ADAMTSL3: variants seen among roughly 807,000 people sequenced by gnomAD.
ADAMTSL3 encodes the protein ADAMTS like 3, also known as ADAMTS-like protein 3.
ADAMTSL3 carries 128 observed loss-of-function variants against 201.7 expected under a neutral mutation model. The ratio of observed to expected loss-of-function variants is 0.63; its 90% confidence interval spans 0.55 to 0.73. ADAMTSL3 has a LOEUF of 0.73. ADAMTSL3 is among the 30% of genes least tolerant of loss of function. The probability of loss-of-function intolerance (pLI) is 0.00; values close to 1 mark genes in which losing one functional copy is unlikely to be tolerated. For synonymous variants in ADAMTSL3, 738 were observed against 748.4 expected (o/e 0.99, Z 0.23); for missense variants, 1,990 against 2,119.6 (o/e 0.94, Z 1.20).
intron 20 of ADAMTSL3, among the ~76,000 whole-genome samples, chr15:83,980,188 C>T (rs1306475855): frequency 6.6e-6 from 1 of 152,098 alleles, no homozygotes; most frequent in Non-Finnish European, 1.5e-5. Flanking sequence ...TAGTAAACAG[C>T]CTCTGCTGGA....
intron 23 of ADAMTSL3, among the ~76,000 whole-genome samples, chr15:83,996,520 G>T (rs1596515107): frequency 6.6e-6 from 1 of 152,114 alleles, no homozygotes; most frequent in East Asian, 1.9e-4. Flanking sequence ...GGTGGCTCAT[G>T]CCTGTAATCC....
At chr15:83,872,543 C>T (rs1213033934) in intron 9 of ADAMTSL3, among the ~76,000 whole-genome samples, 1 of 151,338 alleles carries the variant, frequency 6.6e-6, no homozygotes, top group African/African-American at 2.4e-5. Flanking sequence ...AAATTCTATG[C>T]TTTCCTTGCC....
intron 7 of ADAMTSL3, among the ~76,000 whole-genome samples, chr15:83,844,016 A>G (rs2064440672): frequency 6.6e-6 from 1 of 152,248 alleles, no homozygotes; most frequent in African/African-American, 2.4e-5. Flanking sequence ...ATATCTGTTT[A>G]GAGAGTCTTG....
At chr15:83,678,813 A>ATT (rs1196621697) in intron 2 of ADAMTSL3, among the ~76,000 whole-genome samples, 41 of 52,024 alleles carry the variant, frequency 7.9e-4, no homozygotes, top group African/African-American at 1.6e-3. Context: ...TATTTATATA[A>ATT]TATAAAATAT....
At chr15:83,689,171 G>A (rs1010070557) in intron 2 of ADAMTSL3, among the ~76,000 whole-genome samples, 6 of 152,076 alleles carry the variant, frequency 3.9e-5, no homozygotes, top group Admixed American at 6.5e-5. Context: ...TTCATATAAC[G>A]TGATATTTAA....
At chr15:83,858,996 C>T (rs1439501144) in intron 8 of ADAMTSL3, among the ~76,000 whole-genome samples, 156 bp downstream of exon 8, 21 of 152,150 alleles carry the variant, frequency 1.4e-4, no homozygotes, top group Admixed American at 1.4e-3. Context: ...ACTTACTTGG[C>T]ACAGCAAAGC....
chr15:83,773,456 T>G, intron 3 of ADAMTSL3, 67 bp from the exon 4 acceptor site: 1 of 1,546,774 alleles, frequency 6.5e-7, no homozygotes. Context: ...TTTGGGATAT[T>G]TCTACCACAT....
chr15:84,003,239 C>T (rs781776951), intron 23 of ADAMTSL3, among the ~76,000 whole-genome samples: 6 of 152,020 alleles, frequency 3.9e-5, no homozygotes, highest in East Asian at 3.9e-4. Flanking sequence ...GTGGGAGCCA[C>T]GGTGCCTGGC....
chr15:83,707,040 T>C (rs1181853747), intron 3 of ADAMTSL3, among the ~76,000 whole-genome samples: 1 of 152,076 alleles, frequency 6.6e-6, no homozygotes, highest in African/African-American at 2.4e-5. Context: ...TCAAATACTA[T>C]CAAACTTTTA....
chr15:83,805,945 C>T (rs1230211121), intron 5 of ADAMTSL3, among the ~76,000 whole-genome samples: 1 of 152,178 alleles, frequency 6.6e-6, no homozygotes, highest in African/African-American at 2.4e-5. Flanking sequence ...CGCGGCAGTC[C>T]TCACAGGCCC....
At chr15:83,858,573 A>G (rs972141669) in intron 7 of ADAMTSL3, among the ~76,000 whole-genome samples, 193 bp from the exon 8 acceptor site, 1 of 152,148 alleles carries the variant, frequency 6.6e-6, no homozygotes, top group Non-Finnish European at 1.5e-5. Flanking sequence ...GGGTTTCACC[A>G]TCTTGGCCAG....
intron 23 of ADAMTSL3, among the ~76,000 whole-genome samples, chr15:84,003,632 G>T (rs988358765): frequency 1.3e-5 from 2 of 152,228 alleles, no homozygotes; most frequent in Non-Finnish European, 2.9e-5. Context: ...TTCATACCAG[G>T]CAGTAAAAGT....
intron 5 of ADAMTSL3, among the ~76,000 whole-genome samples, chr15:83,809,487 T>G (rs1224947031): frequency 3.3e-5 from 5 of 152,334 alleles, no homozygotes; most frequent in African/African-American, 1.2e-4. Context: ...AAAAACTCCC[T>G]TGCAGTCCCT....
chr15:83,805,496 G>A (rs1030536719), intron 5 of ADAMTSL3, among the ~76,000 whole-genome samples: 2 of 151,706 alleles, frequency 1.3e-5, no homozygotes, highest in African/African-American at 4.9e-5. Flanking sequence ...GGTGAAGCTT[G>A]CAGTGAGCCA....
At chr15:83,763,467 A>G (rs991153166) in intron 3 of ADAMTSL3, among the ~76,000 whole-genome samples, 2 of 146,464 alleles carry the variant, frequency 1.4e-5, no homozygotes, top group South Asian at 4.3e-4. Context: ...CTATATTTTT[A>G]TGTGAAATCT....
intron 2 of ADAMTSL3, among the ~76,000 whole-genome samples, chr15:83,695,172 CATGTGAT>C (rs2061664884): frequency 2.3e-4 from 2 of 8,662 alleles, no homozygotes; most frequent in Non-Finnish European, 4.6e-4. Flanking sequence ...ATGTATGTAG[CATGTGAT>C]GTGCATGATA....
intron 6 of ADAMTSL3, among the ~76,000 whole-genome samples, chr15:83,822,364 G>A (rs2063895115): frequency 6.7e-6 from 1 of 148,968 alleles, no homozygotes; most frequent in Admixed American, 6.6e-5. Flanking sequence ...CAGACGGGGC[G>A]GCTGCCGGGC....
intron 3 of ADAMTSL3, among the ~76,000 whole-genome samples, chr15:83,762,511 C>G (rs2062824596): frequency 6.6e-6 from 1 of 152,122 alleles, no homozygotes; most frequent in South Asian, 2.1e-4. Context: ...GGTGAGGGCT[C>G]TTCTCTCTGC....
intron 4 of ADAMTSL3, 60 bp from the exon 5 acceptor site, chr15:83,804,590 T>A (rs1344864327): frequency 6.6e-6 from 7 of 1,067,170 alleles, no homozygotes; most frequent in African/African-American, 1.7e-5. Flanking sequence ...TTTTTTTTTT[T>A]AATGCTTGCC....
Sources: allele counts gnomAD v4.1 joint callset (sites outside exome capture counted in the v4.1 genomes callset), GRCh38; gene constraint gnomAD v4.1.1; transcripts MANE v1.5; gene names NCBI Gene and HGNC (gene_info 2026-07-23, HGNC 2026-07-21).